XXYLT1: variants seen among roughly 807,000 people sequenced by gnomAD.
The protein encoded by XXYLT1 is xyloside xylosyltransferase 1.
Under a neutral mutation model 28.9 loss-of-function variants are expected in XXYLT1, and 20 were observed. The observed-to-expected ratio is 0.69, with a 90% CI of 0.49 to 1.00. The LOEUF (loss-of-function observed/expected upper bound fraction) is 1.00, where lower values mean the gene tolerates loss of function less well. Ranked by LOEUF, XXYLT1 falls within the 50% of genes least tolerant of loss-of-function variation. The pLI is 0.00. For synonymous variants in XXYLT1, 257 were observed against 253.8 expected (o/e 1.01, Z -0.12); for missense variants, 542 against 560.1 (o/e 0.97, Z 0.33).
In XXYLT1 at chr3:195,124,656, C is replaced by G. The variant is rs928168191; in HGVS notation, c.785+31793G>C. On this transcript the variant is annotated intron_variant, in intron 3 of 3. Coordinates refer to ENST00000310380, the MANE Select transcript of XXYLT1 (RefSeq NM_152531.5). This position sits in a 1 kb window ranked among gnomAD's most constrained non-coding sequence, Gnocchi z 4.1. The stretch of plus-strand genomic sequence containing the variant: ...AGACTGATAAACTAATGAGCACATG[C>G]CTTACTGTCAACTTCCAAAAACCCA... 6.6e-6 allele frequency among the ~76,000 whole-genome samples: 1 copy of G among 152,174 alleles called. No individual in the cohort carries two copies. The highest frequency in any genetic ancestry group is 1.5e-5 in the Non-Finnish European group (1 of 68,036).
rs190299640 is a variant in XXYLT1 at position 195,178,425 on chromosome 3, C to T, written c.653-21844G>A. ...AGAAAACCCTATTATGTGGTCTCAA[C>T]GTTCAAATCAAATTCTGGGTGGAGA... On this transcript the variant is annotated intron_variant, in intron 2 of 3. Coordinates refer to ENST00000310380, the MANE Select transcript of XXYLT1 (RefSeq NM_152531.5). Among the ~76,000 whole-genome samples, 6 of 152,296 alleles carry T rather than the reference C, an allele frequency of 3.9e-5. No individual in the cohort carries two copies. The East Asian group carries it at 5.8e-4, about 15-fold the overall frequency.
chr3:195,101,053 G>C (rs559843632), intron 3 of XXYLT1, among the ~76,000 whole-genome samples: 3 of 152,286 alleles, frequency 2.0e-5, no homozygotes, highest in Non-Finnish European at 4.4e-5. Flanking sequence ...GCCAGTCTCT[G>C]TGAAGGGCTT....
chr3:195,251,391 A>T (rs577568183), intron 1 of XXYLT1, among the ~76,000 whole-genome samples: 2 of 152,370 alleles, frequency 1.3e-5, no homozygotes, highest in East Asian at 3.9e-4. Flanking sequence ...CAGGTTAGGC[A>T]GCAGGTCCCT....
In XXYLT1 at chr3:195,210,936, G is replaced by A. The variant is rs1723285278; in HGVS notation, c.652+15773C>T. On this transcript the variant is annotated intron_variant, in intron 2 of 3. Transcript: ENST00000310380. The surrounding 1 kb of genome is among the most constrained non-coding windows in gnomAD (Gnocchi z 4.8). Reference sequence around the variant, plus strand: ...ACAGTCAAGGGCAGCACCCGCCACAGCAGGAATCAGAGTTCTCCAGGCTTG... The same window carrying A: ...ACAGTCAAGGGCAGCACCCGCCACAACAGGAATCAGAGTTCTCCAGGCTTG... Among the ~76,000 whole-genome samples the A allele has an allele frequency of 6.6e-6, 1 of 152,198 alleles. No individual in the cohort carries two copies. The highest frequency in any genetic ancestry group is 1.5e-5 in the Non-Finnish European group (1 of 68,042).
intron 3 of XXYLT1, among the ~76,000 whole-genome samples, chr3:195,104,117 G>A (rs1057162602): frequency 3.3e-5 from 5 of 152,108 alleles, no homozygotes; most frequent in South Asian, 2.1e-4. Flanking sequence ...ATGGGAGGTC[G>A]GGCCCATGAA....
chr3:195,108,441 C>T (rs190164448), intron 3 of XXYLT1, among the ~76,000 whole-genome samples: 3 of 152,210 alleles, frequency 2.0e-5, no homozygotes, highest in African/African-American at 7.2e-5. Flanking sequence ...GTAAAATACA[C>T]ATTTGGAGTA....
chr3:195,186,315 A>C lies in XXYLT1; in HGVS notation c.653-29734T>G, dbSNP rs559748415. 4.6e-5 allele frequency among the ~76,000 whole-genome samples: 7 copies of C among 152,314 alleles called. No homozygotes were observed. The East Asian group carries it at 7.7e-4, about 17-fold the overall frequency. On this transcript the variant is annotated intron_variant, in intron 2 of 3. Coordinates refer to ENST00000310380, the MANE Select transcript of XXYLT1 (RefSeq NM_152531.5). ...AAAGTACTTAAGTCACTGGATGAAA[A>C]TGCAAACCATATTACTCCATTGGTT...
intron 3 of XXYLT1, among the ~76,000 whole-genome samples, chr3:195,081,944 T>C (rs941882704): frequency 1.3e-5 from 2 of 152,170 alleles, no homozygotes; most frequent in Non-Finnish European, 2.9e-5. Flanking sequence ...CAGAGGATTC[T>C]TGTCAGTCCT....
chr3:195,217,066 T>A (rs1009883002), intron 2 of XXYLT1, among the ~76,000 whole-genome samples: 1 of 136,402 alleles, frequency 7.3e-6, no homozygotes, highest in Admixed American at 7.1e-5. Context: ...AAAAACCACA[T>A]GATTATCTCA....
At chr3:195,196,133 A>G (rs958495740) in intron 2 of XXYLT1, among the ~76,000 whole-genome samples, 11 of 152,256 alleles carry the variant, frequency 7.2e-5, no homozygotes, top group African/African-American at 1.9e-4. Flanking sequence ...GCACTGTCCA[A>G]TAGAGTAGCT....
chr3:195,266,289 A>C (rs1725847633), intron 1 of XXYLT1, among the ~76,000 whole-genome samples: 1 of 152,042 alleles, frequency 6.6e-6, no homozygotes, highest in Admixed American at 6.5e-5. Context: ...AGGTCAAGAG[A>C]TCGAGACCAT....
intron 3 of XXYLT1, among the ~76,000 whole-genome samples, chr3:195,109,007 G>A (rs1408912179): frequency 2.6e-5 from 4 of 152,110 alleles, no homozygotes; most frequent in African/African-American, 4.8e-5. Flanking sequence ...TAGTTCTCAC[G>A]AAAACCCCAA....
rs1725516877 is a variant in XXYLT1, at chr3:195,257,359, T to C, written c.504+13196A>G. Among the ~76,000 whole-genome samples, 1 of 152,138 alleles carries C rather than the reference T, an allele frequency of 6.6e-6. No homozygotes were observed. Among genetic ancestry groups the C allele is most frequent in the Admixed American group, 6.5e-5 (1 of 15,286 alleles). The stretch of plus-strand genomic sequence containing the variant: ...GACACAGTGCTCATCCCCCAGCAGC[T>C]GGCAGAAGGGCCAGTGTCAGCTCGG... On this transcript the variant is annotated intron_variant, in intron 1 of 3. Transcript: ENST00000310380. The surrounding 1 kb of genome is among the most constrained non-coding windows in gnomAD (Gnocchi z 4.3).
chr3:195,078,350 A>T lies in XXYLT1; in HGVS notation c.786-8239T>A, dbSNP rs1340923667. On this transcript the variant is annotated intron_variant, in intron 3 of 3. Transcript: ENST00000310380. This position sits in a 1 kb window ranked among gnomAD's most constrained non-coding sequence, Gnocchi z 5.0. ...CCGGCCACCTGTCCCTCACACTGAC[A>T]GCCGAGAGGCCCGTAGCGAGTCAGG... Among the ~76,000 whole-genome samples the T allele has an allele frequency of 1.3e-5, 2 of 152,096 alleles. No homozygotes were observed. The highest frequency in any genetic ancestry group is 2.9e-5 in the Non-Finnish European group (2 of 68,016).
At chr3:195,241,072 T>C (rs1477638552) in intron 1 of XXYLT1, among the ~76,000 whole-genome samples, 2 of 152,160 alleles carry the variant, frequency 1.3e-5, no homozygotes, top group Non-Finnish European at 2.9e-5. Flanking sequence ...ACTCTCCCAC[T>C]CTCAGGCCTC....
intron 1 of XXYLT1, among the ~76,000 whole-genome samples, chr3:195,265,545 C>T (rs1416006473): frequency 6.6e-6 from 1 of 152,176 alleles, no homozygotes; most frequent in Non-Finnish European, 1.5e-5. Context: ...GCCATACAAG[C>T]AGTGGCTGGT....
intron 1 of XXYLT1, among the ~76,000 whole-genome samples, chr3:195,230,672 C>G (rs777680621): frequency 6.6e-6 from 1 of 152,220 alleles, no homozygotes; most frequent in East Asian, 1.9e-4. Flanking sequence ...GAACCATTGT[C>G]AAATATGAGT....
At chr3:195,169,353 G>C (rs1413302387) in intron 2 of XXYLT1, among the ~76,000 whole-genome samples, 1 of 152,212 alleles carries the variant, frequency 6.6e-6, no homozygotes, top group East Asian at 1.9e-4. Context: ...GCCTTGGAAG[G>C]CACTCGGCAT....
At chr3:195,221,858 G>T (rs530384435) in intron 2 of XXYLT1, among the ~76,000 whole-genome samples, 7 of 152,298 alleles carry the variant, frequency 4.6e-5, no homozygotes, top group African/African-American at 1.7e-4. Context: ...GGCTGTGTCT[G>T]TGGAGGGCAC....
Sources: allele counts gnomAD v4.1 joint callset (sites outside exome capture counted in the v4.1 genomes callset), GRCh38; gene constraint gnomAD v4.1.1; non-coding constraint Gnocchi (gnomAD v3.1); transcripts MANE v1.5; gene names NCBI Gene and HGNC (gene_info 2026-07-23, HGNC 2026-07-21).